CCNY: variants seen among roughly 807,000 people sequenced by gnomAD.
CCNY encodes the protein cyclin Y.
A neutral mutation model predicts 42.8 loss-of-function variants in CCNY; 19 were observed. The ratio of observed to expected loss-of-function variants is 0.44; its 90% CI spans 0.31 to 0.65. The LOEUF (loss-of-function observed/expected upper bound fraction) is 0.65, where lower values mean the gene tolerates loss of function less well. CCNY is among the 30% of genes least tolerant of loss of function. CCNY has a pLI of 0.07. For missense variants in CCNY, 370 were observed against 437.3 expected, an observed-to-expected ratio of 0.85 and a Z score of 1.37; for synonymous variants, 165 against 162.7, an observed-to-expected ratio of 1.01 and a Z score of -0.11.
At chr10:35,516,656 C>A in intron 4 of CCNY, 33 bp downstream of exon 4, 8 of 805,284 alleles carry the variant, frequency 9.9e-6, no homozygotes, top group Non-Finnish European at 1.5e-5. Context: ...TTCCTTCCTT[C>A]CTTCCTTTTT....
chr10:35,269,872 C>A (rs1189330815), intron 3 of CCNY, among the ~76,000 whole-genome samples: 2 of 152,254 alleles, frequency 1.3e-5, no homozygotes, highest in East Asian at 3.9e-4. Flanking sequence ...TAGTGATCCA[C>A]CTGCCTCAGA....
chr10:35,367,231 G>A (rs1375360074), intron 1 of CCNY, among the ~76,000 whole-genome samples: 6 of 151,968 alleles, frequency 3.9e-5, no homozygotes, highest in African/African-American at 1.2e-4. Context: ...CTATTTTATA[G>A]ACTACTTTAT....
intron 1 of CCNY, among the ~76,000 whole-genome samples, chr10:35,414,071 T>C (rs1362753724): frequency 6.6e-6 from 1 of 152,226 alleles, no homozygotes; most frequent in African/African-American, 2.4e-5. Flanking sequence ...ATAGGCCTAT[T>C]TTTTCCTGTG....
chr10:35,342,351 A>G (rs895849205), intron 1 of CCNY, among the ~76,000 whole-genome samples: 4 of 152,236 alleles, frequency 2.6e-5, no homozygotes, highest in African/African-American at 9.6e-5. Flanking sequence ...TTTCCAGGCT[A>G]AGACTTATCA....
intron 3 of CCNY, among the ~76,000 whole-genome samples, chr10:35,323,166 TG>T (rs1835840673): frequency 6.6e-6 from 1 of 152,154 alleles, no homozygotes; most frequent in South Asian, 2.1e-4. Context: ...TGACCTCAGG[TG>T]ATCTGCCCGC....
At chr10:35,446,979 A>G (rs530950425) in intron 1 of CCNY, among the ~76,000 whole-genome samples, 1 of 152,338 alleles carries the variant, frequency 6.6e-6, no homozygotes, top group East Asian at 1.9e-4. Context: ...CATGTAGGTT[A>G]AAGAAAGGTG....
At chr10:35,520,615 T>C (rs778745618) in intron 4 of CCNY, among the ~76,000 whole-genome samples, 3 of 152,046 alleles carry the variant, frequency 2.0e-5, no homozygotes, top group African/African-American at 4.8e-5. Context: ...ACCTGTAAAG[T>C]GGGGATTGCC....
At chr10:35,285,025 A>C (rs1048039850) in intron 3 of CCNY, among the ~76,000 whole-genome samples, 2 of 151,640 alleles carry the variant, frequency 1.3e-5, no homozygotes. Flanking sequence ...TTATTTATTT[A>C]TTTTTTTCCA....
intron 3 of CCNY, among the ~76,000 whole-genome samples, chr10:35,323,135 G>T (rs1409665097): frequency 6.6e-6 from 1 of 152,022 alleles, no homozygotes; most frequent in Non-Finnish European, 1.5e-5. Context: ...CGTCATGTTG[G>T]CCAGGCTGGT....
In CCNY at chr10:35,458,071, T is replaced by C. The variant is rs183629985; in HGVS notation, c.155-25333T>C. On this transcript the variant is annotated intron_variant, in intron 1 of 9. Coordinates refer to ENST00000374704, the MANE Select transcript of CCNY (RefSeq NM_145012.6). Reference sequence around the variant, plus strand: ...TACGTGTTCTTTGTTTAAAAGAAAATTGGAAGCAGTACCTTCCTCCCTGAA... The same window carrying C: ...TACGTGTTCTTTGTTTAAAAGAAAACTGGAAGCAGTACCTTCCTCCCTGAA... Among the ~76,000 whole-genome samples the C allele has an allele frequency of 2.8e-4, 42 of 152,334 alleles. No homozygotes were observed. The East Asian group carries it at 7.1e-3, about 26-fold the overall frequency.
At chr10:35,522,276 G>T (rs1257146972) in intron 4 of CCNY, among the ~76,000 whole-genome samples, 1 of 152,192 alleles carries the variant, frequency 6.6e-6, no homozygotes, top group Non-Finnish European at 1.5e-5. Context: ...CGTACTCCAT[G>T]CCTGCTGATC....
intron 1 of CCNY, among the ~76,000 whole-genome samples, chr10:35,379,791 C>T (rs1042314234): frequency 3.3e-5 from 5 of 152,194 alleles, no homozygotes; most frequent in Non-Finnish European, 5.9e-5. Context: ...TTATCCACCC[C>T]CTACCCCTTC....
At chr10:35,554,888 T>G (rs2135453122) in intron 8 of CCNY, among the ~76,000 whole-genome samples, 1 of 152,304 alleles carries the variant, frequency 6.6e-6, no homozygotes, top group South Asian at 2.1e-4. Context: ...GACCAGTGAA[T>G]AACATTAGAG....
chr10:35,461,513 G>A (rs937055513), intron 1 of CCNY, among the ~76,000 whole-genome samples: 1 of 152,176 alleles, frequency 6.6e-6, no homozygotes, highest in African/African-American at 2.4e-5. Flanking sequence ...AGGGGTTCTT[G>A]CTAATCTGAC....
chr10:35,263,528 A>C (rs1317851697), intron 3 of CCNY, among the ~76,000 whole-genome samples: 1 of 151,718 alleles, frequency 6.6e-6, no homozygotes, highest in South Asian at 2.1e-4. Context: ...GTGGCAGAGC[A>C]AAGACCCTGT....
Position 35,275,491 on chromosome 10 carries a change from C to A in CCNY, c.-9+24865C>A, listed in dbSNP as rs930372529. ...AAGAGTGTGTCCAGTCGGCTGGGCG[C>A]GGTGGCTCACACCTGTAATCCCAGC... On this transcript the variant is annotated intron_variant, in intron 3 of 11. Coordinates refer to the CCNY transcript ENST00000374706. Among the ~76,000 whole-genome samples the A allele has an allele frequency of 1.1e-4, 17 of 150,144 alleles. No homozygotes were observed. In the East Asian group the frequency reaches 3.5e-3, roughly 31 times the overall value.
chr10:35,475,284 A>T (rs1241115494), intron 1 of CCNY, among the ~76,000 whole-genome samples: 1 of 152,194 alleles, frequency 6.6e-6, no homozygotes, highest in African/African-American at 2.4e-5. Context: ...GGAAATACAG[A>T]GAACGCCACA....
At chr10:35,316,254 A>C (rs1242466672) in intron 3 of CCNY, 1 of 152,222 alleles carries the variant, frequency 6.6e-6, no homozygotes, top group African/African-American at 2.4e-5. Context: ...GATACAGAGC[A>C]GGTGTTTAAC....
Position 35,568,975 on chromosome 10 carries a change from G to A in CCNY, c.910-79G>A, listed in dbSNP as rs7074570. ...GGGCTCTGCCTGTCCCTCATGCAGC[G>A]CCCTCGGCGCCCAGGACGAGTGAGC... On this transcript the variant is annotated intron_variant, in intron 9 of 9. Transcript: ENST00000374704. 6.5e-3 allele frequency: 5,886 copies of A among 907,660 alleles called. 225 individuals carry two copies. In the African/African-American group the frequency reaches 0.083, roughly 13 times the overall value. 56.2% of individuals were successfully genotyped at this position (907,660 alleles called of 1,614,324 possible).
Sources: allele counts gnomAD v4.1 joint callset (sites outside exome capture counted in the v4.1 genomes callset), GRCh38; gene constraint gnomAD v4.1.1; transcripts MANE v1.5; gene names NCBI Gene and HGNC (gene_info 2026-07-23, HGNC 2026-07-21).